Variants in ERC2 observed in about 807,000 individuals in gnomAD.
The protein encoded by ERC2 is ELKS/RAB6-interacting/CAST family member 2.
A neutral mutation model predicts 114.8 loss-of-function variants in ERC2; 42 were observed. The observed-to-expected ratio is 0.37, with a 90% CI of 0.29 to 0.47. The LOEUF (loss-of-function observed/expected upper bound fraction) is 0.47, where lower values mean the gene tolerates loss of function less well. Among genes scored for constraint, ERC2 ranks in the 20% least tolerant of loss-of-function variants. ERC2 has a pLI of 0.99. For missense variants in ERC2, 939 were observed against 1,150.7 expected, an observed-to-expected ratio of 0.82 and a Z score of 2.66; for synonymous variants, 454 against 425.5, an observed-to-expected ratio of 1.07 and a Z score of -0.82.
chr3:55,572,575 C>G (rs1575618810), intron 17 of ERC2, among the ~76,000 whole-genome samples: 1 of 152,200 alleles, frequency 6.6e-6, no homozygotes, highest in Non-Finnish European at 1.5e-5. Flanking sequence ...ACATGGAGCA[C>G]TTTGTATTCT....
At chr3:56,111,278 G>A (rs572537131) in intron 6 of ERC2, among the ~76,000 whole-genome samples, 8 of 151,190 alleles carry the variant, frequency 5.3e-5, no homozygotes, top group African/African-American at 1.2e-4. Context: ...TCAATCTCTC[G>A]CTCCCTCTTT....
At chr3:55,613,982 CAAAAAAAAAAA>C (rs60242810) in intron 17 of ERC2, among the ~76,000 whole-genome samples, 5 of 62,244 alleles carry the variant, frequency 8.0e-5, no homozygotes, top group African/African-American at 2.1e-4. Context: ...GACTTCCTCT[CAAAAAAAAAAA>C]AAAAAAAAAA....
intron 17 of ERC2, among the ~76,000 whole-genome samples, chr3:55,512,232 C>T (rs2052132201): frequency 6.6e-6 from 1 of 152,156 alleles, no homozygotes; most frequent in African/African-American, 2.4e-5. Flanking sequence ...TTCAAGCCAT[C>T]GTTAAGTAGT....
At chr3:56,380,515 C>T (rs2059708272) in intron 2 of ERC2, among the ~76,000 whole-genome samples, 1 of 151,888 alleles carries the variant, frequency 6.6e-6, no homozygotes, top group South Asian at 2.1e-4. Context: ...TGTGTCTCTT[C>T]GCTCTATTTG....
chr3:56,173,644 A>G (rs912364394), intron 3 of ERC2, 124 bp from the exon 4 acceptor site: 3 of 768,538 alleles, frequency 3.9e-6, no homozygotes, highest in Non-Finnish European at 2.1e-6. Context: ...AACAAGCCAC[A>G]GGTGTCTCTT....
chr3:55,939,687 T>G (rs1352124069), intron 13 of ERC2, among the ~76,000 whole-genome samples: 1 of 152,212 alleles, frequency 6.6e-6, no homozygotes, highest in Non-Finnish European at 1.5e-5. Context: ...CACAGCTCAC[T>G]ATGACCTGAA....
chr3:56,173,961 T>C (rs992548498), intron 3 of ERC2: 10 of 162,692 alleles, frequency 6.1e-5, no homozygotes, highest in African/African-American at 1.2e-4. Context: ...AGGTTTGAAA[T>C]GAGCAGTTTA....
intron 2 of ERC2, among the ~76,000 whole-genome samples, chr3:56,300,082 G>A (rs2055761396): frequency 6.6e-6 from 1 of 152,056 alleles, no homozygotes; most frequent in Admixed American, 6.5e-5. Context: ...TAGGGTTCCT[G>A]TGGGCAATAA....
At chr3:56,140,916 C>T (rs999912093) in intron 5 of ERC2, among the ~76,000 whole-genome samples, 3 of 151,974 alleles carry the variant, frequency 2.0e-5, no homozygotes, top group African/African-American at 4.8e-5. Flanking sequence ...CCCAGCTACT[C>T]GGGAGGCTGA....
intron 15 of ERC2, among the ~76,000 whole-genome samples, chr3:55,704,481 T>G (rs2702143): frequency 0.54 from 81,634 of 152,014 alleles, 22,969 homozygotes; most frequent in South Asian, 0.73. Context: ...TTCTGTCCCT[T>G]TTTCCCACTA....
In ERC2 at chr3:55,825,940, AAAAAC is replaced by A. The variant is rs989696917; in HGVS notation, c.2564+62444_2564+62448del. 9.3e-5 allele frequency among the ~76,000 whole-genome samples: 14 copies of A among 151,208 alleles called. No individual in the cohort carries two copies. In the East Asian group the frequency reaches 1.2e-3, roughly 13 times the overall value. ...GGGGAAGTTGAAGTTAAAAAAAATTAAAAACAAAACAAAACAAAAGAAGGAAGGAG... is the reference window on the plus strand; with the variant it reads ...GGGGAAGTTGAAGTTAAAAAAAATTAAAAACAAAACAAAAGAAGGAAGGAG... On this transcript the variant is annotated intron_variant, in intron 14 of 17. Coordinates refer to ENST00000288221, the MANE Select transcript of ERC2 (RefSeq NM_015576.3).
chr3:56,213,665 T>C (rs530963087), intron 3 of ERC2, among the ~76,000 whole-genome samples: 20 of 151,856 alleles, frequency 1.3e-4, no homozygotes, highest in African/African-American at 4.8e-4. Context: ...TGGAAGAGAG[T>C]AGTGGTTCTC....
At chr3:55,998,352 T>C (rs1305532685) in intron 10 of ERC2, among the ~76,000 whole-genome samples, 2 of 152,150 alleles carry the variant, frequency 1.3e-5, no homozygotes, top group African/African-American at 4.8e-5. Context: ...TTTTTAATTA[T>C]GGGATTTCCT....
At chr3:56,244,731 T>C (rs1429235066) in intron 3 of ERC2, among the ~76,000 whole-genome samples, 2 of 152,134 alleles carry the variant, frequency 1.3e-5, no homozygotes, top group Non-Finnish European at 2.9e-5. Flanking sequence ...TTTAATAAAT[T>C]TAGTATAACC....
chr3:55,579,827 G>C (rs1236594626), intron 17 of ERC2, among the ~76,000 whole-genome samples: 1 of 152,294 alleles, frequency 6.6e-6, no homozygotes, highest in Non-Finnish European at 1.5e-5. Context: ...AGAGCCACAG[G>C]CTCAGTGCTG....
chr3:55,755,709 A>G (rs1230932140), intron 14 of ERC2, among the ~76,000 whole-genome samples: 1 of 152,166 alleles, frequency 6.6e-6, no homozygotes, highest in Non-Finnish European at 1.5e-5. Flanking sequence ...CTGCCAAACA[A>G]AAACTCCCTG....
rs184105903 is a variant in ERC2 at position 55,661,824 on chromosome 3, G to T, written c.*39+21970C>A. 2.3e-3 allele frequency among the ~76,000 whole-genome samples: 344 copies of T among 151,718 alleles called. 1 individual carries two copies. The highest frequency in any genetic ancestry group is 0.01 in the Middle Eastern group (3 of 294). On this transcript the variant is annotated intron_variant, in intron 17 of 17. Coordinates refer to ENST00000288221, the MANE Select transcript of ERC2 (RefSeq NM_015576.3). ...TTAGCTGAGAAGAAAAACGTGAAAA[G>T]GTTATTTAAAAAAAAAAAGTGGGCC...
At chr3:55,903,394 A>G (rs1189736178) in intron 13 of ERC2, among the ~76,000 whole-genome samples, 2 of 152,194 alleles carry the variant, frequency 1.3e-5, no homozygotes, top group African/African-American at 4.8e-5. Context: ...AAAACATTGG[A>G]TTCCTTGCTT....
intron 14 of ERC2, among the ~76,000 whole-genome samples, chr3:55,835,743 T>C (rs1460000708): frequency 6.6e-6 from 1 of 152,150 alleles, no homozygotes; most frequent in Non-Finnish European, 1.5e-5. Flanking sequence ...GTGTTGGAAG[T>C]TCTGGCCAGG....
Sources: allele counts gnomAD v4.1 joint callset (sites outside exome capture counted in the v4.1 genomes callset), GRCh38; gene constraint gnomAD v4.1.1; transcripts MANE v1.5; gene names NCBI Gene and HGNC (gene_info 2026-07-23, HGNC 2026-07-21).